The following RNF212B variants were observed in gnomAD, a reference collection of about 807,000 sequenced individuals.
RNF212B encodes ring finger protein 212B.
In RNF212B, 52 loss-of-function variants were observed where a neutral mutation model predicts 55.5. The ratio of observed to expected loss-of-function variants is 0.94; its 90% confidence interval spans 0.75 to 1.18. The LOEUF (loss-of-function observed/expected upper bound fraction) is 1.18. Among genes scored for constraint, RNF212B ranks in the 50% most tolerant of loss-of-function variants. The pLI is 0.00. For synonymous variants in RNF212B, 99 were observed against 121.4 expected, an observed-to-expected ratio of 0.82 and a Z score of 1.21; for missense variants, 289 against 350.4, an observed-to-expected ratio of 0.82 and a Z score of 1.40.
At chr14:23,269,168 G>C (rs898318450) in intron 12 of RNF212B, among the ~76,000 whole-genome samples, 2 of 152,194 alleles carry the variant, frequency 1.3e-5, no homozygotes, top group African/African-American at 4.8e-5. Context: ...GCCGGGAGCG[G>C]TGTCACGTGC....
chr14:23,205,805 A>G (rs950508379), intron 2 of RNF212B, among the ~76,000 whole-genome samples: 2 of 152,244 alleles, frequency 1.3e-5, no homozygotes, highest in African/African-American at 4.8e-5. Flanking sequence ...AGCTATTTTT[A>G]TTAAACCCAT....
At chr14:23,212,681 A>G (rs931657010) in intron 2 of RNF212B, among the ~76,000 whole-genome samples, 1 of 151,796 alleles carries the variant, frequency 6.6e-6, no homozygotes, top group African/African-American at 2.4e-5. Flanking sequence ...TCCTGGGTTC[A>G]CACTATTCTC....
chr14:23,237,348 T>A (rs926600856), upstream of RNF212B, among the ~76,000 whole-genome samples: 7 of 152,322 alleles, frequency 4.6e-5, no homozygotes, highest in African/African-American at 1.7e-4. Context: ...CAGTCTGGTC[T>A]ATAACTCCTG....
chr14:23,207,914 G>C (rs1309701818), intron 2 of RNF212B, among the ~76,000 whole-genome samples: 1 of 152,144 alleles, frequency 6.6e-6, no homozygotes, highest in Non-Finnish European at 1.5e-5. Flanking sequence ...GCAAAGGTAG[G>C]CAGACTCTAA....
intron 2 of RNF212B, among the ~76,000 whole-genome samples, chr14:23,241,866 A>C (rs1181607175): frequency 6.6e-6 from 1 of 151,432 alleles, no homozygotes; most frequent in African/African-American, 2.4e-5. Context: ...GGTGGATCAC[A>C]AGGTCGGGAG....
At chr14:23,252,012 G>A (rs964713804) in intron 4 of RNF212B, among the ~76,000 whole-genome samples, 1 of 151,928 alleles carries the variant, frequency 6.6e-6, no homozygotes, top group Non-Finnish European at 1.5e-5. Context: ...CCATTACATA[G>A]GCATGATTGA....
chr14:23,207,940 C>T (rs1880009046), intron 2 of RNF212B, among the ~76,000 whole-genome samples: 1 of 152,176 alleles, frequency 6.6e-6, no homozygotes, highest in South Asian at 2.1e-4. Context: ...GAGGGGGCTT[C>T]CAGGTCACAG....
chr14:23,234,038 A>G (rs376600844), upstream of RNF212B, among the ~76,000 whole-genome samples: 4 of 152,220 alleles, frequency 2.6e-5, no homozygotes, highest in African/African-American at 9.6e-5. Flanking sequence ...CAGAGGTTGC[A>G]GTGAGCTGAG....
chr14:23,227,122 T>C (rs1291978652), intron 2 of RNF212B, among the ~76,000 whole-genome samples: 1 of 152,092 alleles, frequency 6.6e-6, no homozygotes, highest in Non-Finnish European at 1.5e-5. Context: ...ATATAAGAAG[T>C]TATCGTTGGG....
intron 4 of RNF212B, among the ~76,000 whole-genome samples, chr14:23,255,585 A>G (rs998492769): frequency 6.6e-6 from 1 of 152,242 alleles, no homozygotes; most frequent in Non-Finnish European, 1.5e-5. Flanking sequence ...TTACTGTATT[A>G]ACAAAATAAT....
chr14:23,206,908 T>G (rs77354234), intron 2 of RNF212B, among the ~76,000 whole-genome samples: 25,124 of 150,550 alleles, frequency 0.17, 2,400 homozygotes, highest in South Asian at 0.32. Flanking sequence ...AAACAAACTT[T>G]CGTTAAAAAA....
At chr14:23,203,692 G>A (rs941496369) in intron 2 of RNF212B, among the ~76,000 whole-genome samples, 1 of 152,040 alleles carries the variant, frequency 6.6e-6, no homozygotes, top group Non-Finnish European at 1.5e-5. Flanking sequence ...TGGTCAGGCT[G>A]GTGTTGAACT....
At chr14:23,264,402 G>C in intron 10 of RNF212B, among the ~76,000 whole-genome samples, 168 bp downstream of exon 10, 1 of 152,202 alleles carries the variant, frequency 6.6e-6, no homozygotes, top group East Asian at 1.9e-4. Context: ...AACTGACAGA[G>C]AATAAATAGG....
At chr14:23,212,269 G>T (rs764367355) in intron 2 of RNF212B, among the ~76,000 whole-genome samples, 4 of 152,186 alleles carry the variant, frequency 2.6e-5, no homozygotes, top group Non-Finnish European at 5.9e-5. Context: ...TTATGCCGAT[G>T]GCTATGGCCA....
chr14:23,236,332 G>C (rs1883088023), upstream of RNF212B, among the ~76,000 whole-genome samples: 1 of 152,126 alleles, frequency 6.6e-6, no homozygotes, highest in South Asian at 2.1e-4. Context: ...TGGCCAACAC[G>C]GTGAAACCCC....
intron 12 of RNF212B, 138 bp from the exon 13 acceptor site, chr14:23,269,725 G>A (rs79784741): frequency 7.3e-4 from 405 of 552,904 alleles, no homozygotes; most frequent in African/African-American, 5.0e-3. Context: ...AAAAAAAAAA[G>A]AAAAAATTAT....
intron 1 of RNF212B, among the ~76,000 whole-genome samples, chr14:23,240,095 A>G (rs1171524734): frequency 1.3e-5 from 2 of 151,382 alleles, no homozygotes; most frequent in South Asian, 4.2e-4. Flanking sequence ...GTTTATATGT[A>G]TATATATATA....
At chr14:23,208,757 G>GTTTT (rs1166613606) in intron 2 of RNF212B, among the ~76,000 whole-genome samples, 65,480 of 97,656 alleles carry the variant, frequency 0.67, 23,845 homozygotes, top group East Asian at 0.85. Context: ...GCTGGTTGCC[G>GTTTT]TTTTTTTTTT....
chr14:23,186,628 T>G, intron 1 of RNF212B, among the ~76,000 whole-genome samples: 1 of 152,110 alleles, frequency 6.6e-6, no homozygotes, highest in Admixed American at 6.5e-5. Context: ...GATTACTCTA[T>G]TCTGCATTTG....
Sources: gnomAD v4.1 joint callset for allele counts (sites outside exome capture counted in the v4.1 genomes callset) on GRCh38, gnomAD v4.1.1 for gene constraint, MANE v1.5 for transcripts, NCBI Gene and HGNC (gene_info 2026-07-23, HGNC 2026-07-21) for gene names.